TTC39A: variants seen among roughly 807,000 people sequenced by gnomAD.
The protein encoded by TTC39A is tetratricopeptide repeat domain 39A.
A neutral mutation model predicts 82.3 loss-of-function variants in TTC39A; 46 were observed. The ratio of observed to expected loss-of-function variants is 0.56; its 90% CI spans 0.44 to 0.71. TTC39A has a LOEUF of 0.71. Among genes scored for constraint, TTC39A ranks in the 30% least tolerant of loss-of-function variants. The pLI is 0.00. For missense variants in TTC39A, 543 were observed against 712.9 expected (o/e 0.76, Z 2.71); for synonymous variants, 254 against 275.2 (o/e 0.92, Z 0.76).
rs758640146 is a variant in TTC39A at position 51,294,510 on chromosome 1, C to CTT, written c.1146_1147insAA (p.Ala383LysfsTer6). 6.2e-7 allele frequency: 1 copy of CTT among 1,613,934 alleles called. No individual in the cohort carries two copies. The highest frequency in any genetic ancestry group is 2.2e-5 in the East Asian group (1 of 44,876). On this transcript the variant is annotated frameshift_variant and splice_region_variant, in exon 14 of 18. Transcript: ENST00000680483. LOFTEE classifies it high-confidence loss of function. This position sits in a 1 kb window ranked among gnomAD's most constrained non-coding sequence, Gnocchi z 4.3. ...ATCTTGAGCTTCAGGCCTGGCACAGCTCTGCGAAAGAGATGGGGAGGGTGG... is the reference window on the plus strand; with the variant it reads ...ATCTTGAGCTTCAGGCCTGGCACAGCTTTCTGCGAAAGAGATGGGGAGGGTGG...
At chr1:51,332,064 G>A (rs1292471902), upstream of TTC39A, among the ~76,000 whole-genome samples, 3 of 152,168 alleles carry the variant, frequency 2.0e-5, no homozygotes, top group Non-Finnish European at 4.4e-5. Flanking sequence ...TAAACATGCT[G>A]TTCCCTCTGT....
At position 51,320,641 on chromosome 1, in the gene TTC39A, A is replaced by G. The variant is rs1468394094; in HGVS notation, c.146+1080T>C. 6.7e-5 allele frequency among the ~76,000 whole-genome samples: 10 copies of G among 148,912 alleles called. No homozygotes were observed. In the East Asian group the frequency reaches 1.6e-3, roughly 24 times the overall value. ...TAATTTTTTGTATTTTTTTTTGTAG[A>G]TATGGAGTTTCACCATGTCCAGGCT... On this transcript the variant is annotated intron_variant, in intron 2 of 17. Coordinates refer to ENST00000680483, the MANE Select transcript of TTC39A (RefSeq NM_001297663.2).
chr1:51,334,723 C>T (rs1307862499), upstream of TTC39A: 3 of 152,172 alleles, frequency 2.0e-5, no homozygotes, highest in Admixed American at 6.5e-5. Flanking sequence ...TGGTGGACCA[C>T]TAGACACTAC....
At chr1:51,343,723 G>C (rs893770872) in intron 1 of TTC39A, among the ~76,000 whole-genome samples, 2 of 152,198 alleles carry the variant, frequency 1.3e-5, no homozygotes, top group African/African-American at 4.8e-5. Flanking sequence ...GTGCTGAAAG[G>C]CTGAATGAGA....
intron 5 of TTC39A, among the ~76,000 whole-genome samples, chr1:51,310,298 C>A (rs1645037707): frequency 6.6e-6 from 1 of 152,002 alleles, no homozygotes; most frequent in African/African-American, 2.4e-5. Flanking sequence ...GTAGTGATTC[C>A]CCTGTTGGGT....
chr1:51,311,971 A>C (rs1645099960), intron 4 of TTC39A, 148 bp downstream of exon 4: 2 of 809,276 alleles, frequency 2.5e-6, no homozygotes, highest in Non-Finnish European at 3.8e-6. Flanking sequence ...ATGCCTCAAA[A>C]GGCCCCAGCT....
upstream of TTC39A, chr1:51,331,686 G>A: frequency 1.0e-6 from 1 of 985,400 alleles, no homozygotes; most frequent in South Asian, 4.7e-5. Flanking sequence ...GCCCATTTGT[G>A]AGCAGGGGCA....
chr1:51,345,074 G>T, exon 1 of TTC39A: 1 of 1,334,032 alleles, frequency 7.5e-7, no homozygotes. Context: ...CGGGGCCGCG[G>T]GCGGCCCCTC....
upstream of TTC39A, chr1:51,330,618 G>A: frequency 1.0e-6 from 1 of 983,354 alleles, no homozygotes; most frequent in Non-Finnish European, 1.2e-6. This position sits in a 1 kb window ranked among gnomAD's most constrained non-coding sequence, Gnocchi z 4.5. Flanking sequence ...GAAGGCGGCG[G>A]GGCCGGGCCG....
At chr1:51,301,440 C>T in intron 12 of TTC39A, 132 bp downstream of exon 12, 1 of 1,202,778 alleles carries the variant, frequency 8.3e-7, no homozygotes, top group Non-Finnish European at 1.1e-6. Flanking sequence ...AAGCCTGAGT[C>T]CTATTAGAAT....
At chr1:51,331,207 C>T (rs1378505233), upstream of TTC39A, 99 of 1,550,264 alleles carry the variant, frequency 6.4e-5, no homozygotes, top group Non-Finnish European at 8.6e-5. Context: ...CCAAAGCCAA[C>T]ACTCTGGCCC....
upstream of TTC39A, among the ~76,000 whole-genome samples, chr1:51,334,386 C>T (rs896414651): frequency 5.9e-5 from 9 of 152,158 alleles, no homozygotes; most frequent in South Asian, 4.2e-4. Context: ...GCCTATAATT[C>T]CAGCTACATG....
intron 2 of TTC39A, among the ~76,000 whole-genome samples, chr1:51,313,984 G>A (rs764221130): frequency 5.3e-5 from 8 of 152,208 alleles, no homozygotes; most frequent in Admixed American, 6.5e-5. Context: ...CACGGGCCAC[G>A]CTGAACTGAC....
At chr1:51,322,572 GTAAATGAATGAATGAA>G (rs966100712) in intron 1 of TTC39A, among the ~76,000 whole-genome samples, 1 of 104,834 alleles carries the variant, frequency 9.5e-6, no homozygotes, top group Non-Finnish European at 2.0e-5. Flanking sequence ...TATCTGTTAG[GTAAATGAATGAATGAA>G]TGAATGAATG....
chr1:51,294,084 C>T lies in TTC39A; in HGVS notation c.1266+307G>A, dbSNP rs982221980. 2.6e-5 allele frequency among the ~76,000 whole-genome samples: 4 copies of T among 152,212 alleles called. No individual in the cohort carries two copies. Among genetic ancestry groups the T allele is most frequent in the Non-Finnish European group, 4.4e-5 (3 of 68,036 alleles). The stretch of plus-strand genomic sequence containing the variant: ...ATCATTGTGACAAGACTGGAGCAGA[C>T]AGGCTGGGATCACTGGCAGCCGGGT... On this transcript the variant is annotated intron_variant, in intron 14 of 17. Transcript: ENST00000680483. This position sits in a 1 kb window ranked among gnomAD's most constrained non-coding sequence, Gnocchi z 4.3.
rs1644346144 is a variant in TTC39A at position 51,294,632 on chromosome 1, G to C, written c.1146-121C>G. On this transcript the variant is annotated intron_variant, in intron 13 of 17. Transcript: ENST00000680483. The surrounding 1 kb of genome is among the most constrained non-coding windows in gnomAD (Gnocchi z 4.3). ...GCCTCAGTTTCCCCATCTGCACAAT[G>C]ACAGTGTTAGACTCTAAAGAGCCTT... 12 of 1,399,158 alleles carry C rather than the reference G, an allele frequency of 8.6e-6. No homozygotes were observed. In the South Asian group the frequency reaches 1.5e-4, roughly 17 times the overall value. The allele number at this position is 1,399,158 out of a possible 1,614,324, so 86.7% of individuals were successfully genotyped here. A position where few individuals can be genotyped will look rare whatever the true frequency, so the allele number is the denominator to read the frequency against.
At chr1:51,331,931 C>T (rs1645917362), upstream of TTC39A, 1 of 545,902 alleles carries the variant, frequency 1.8e-6, no homozygotes, top group South Asian at 8.0e-5. Context: ...CGGGGAGCAG[C>T]ATGGATGAAG....
intron 1 of TTC39A, chr1:51,329,986 G>T: frequency 3.8e-6 from 1 of 265,036 alleles, no homozygotes; most frequent in Non-Finnish European, 5.8e-6. Flanking sequence ...TGATGGGGTG[G>T]GGGGATCTGA....
At chr1:51,290,652 T>C in intron 14 of TTC39A, 27 bp from the exon 15 acceptor site, 2 of 1,593,186 alleles carry the variant, frequency 1.3e-6, no homozygotes, top group Non-Finnish European at 1.7e-6. Context: ...AAGTCAGTCC[T>C]AGGTTTCTTC....
Sources: allele counts gnomAD v4.1 joint callset (sites outside exome capture counted in the v4.1 genomes callset), GRCh38; gene constraint gnomAD v4.1.1; non-coding constraint Gnocchi (gnomAD v3.1); transcripts MANE v1.5; gene names NCBI Gene and HGNC (gene_info 2026-07-23, HGNC 2026-07-21).